The following SEMA3E variants were observed in gnomAD, a reference collection of about 807,000 sequenced individuals.
The protein encoded by SEMA3E is semaphorin 3E.
Under a neutral mutation model 93.6 loss-of-function variants are expected in SEMA3E, and 49 were observed. That is an observed-to-expected ratio of 0.52 (90% CI 0.42 to 0.66). The LOEUF is 0.66. Among genes scored for constraint, SEMA3E ranks in the 30% least tolerant of loss-of-function variants. SEMA3E has a pLI of 0.00. For missense variants in SEMA3E, 906 were observed against 964.8 expected (o/e 0.94, Z 0.81); for synonymous variants, 363 against 330.7 (o/e 1.10, Z -1.06).
rs981166088 is a variant in SEMA3E, at chr7:83,407,348, C to T, written c.671-109G>A. 16 of 949,444 alleles carry T rather than the reference C, an allele frequency of 1.7e-5. No homozygotes were observed. The African/African-American group carries it at 2.3e-4, about 14-fold the overall frequency. 58.8% of individuals were successfully genotyped at this position (949,444 alleles called of 1,614,324 possible). Reference sequence around the variant, plus strand: ...TCTGAATCCTTAAGTTTAACTTTCACCATTTCATAAAGAAATATTTTTCTT... The same window carrying T: ...TCTGAATCCTTAAGTTTAACTTTCATCATTTCATAAAGAAATATTTTTCTT... On this transcript the variant is annotated intron_variant, in intron 6 of 16. Coordinates refer to ENST00000643230, the MANE Select transcript of SEMA3E (RefSeq NM_012431.3).
chr7:83,475,463 C>T (rs540712032), intron 2 of SEMA3E, among the ~76,000 whole-genome samples: 100 of 152,110 alleles, frequency 6.6e-4, no homozygotes, highest in Admixed American at 1.2e-3. Context: ...TCGATCTCCC[C>T]CTAGACAAAG....
At chr7:83,570,377 C>T (rs992018326) in intron 1 of SEMA3E, among the ~76,000 whole-genome samples, 1 of 149,482 alleles carries the variant, frequency 6.7e-6, no homozygotes, top group Non-Finnish European at 1.5e-5. Flanking sequence ...AACGGTGAAA[C>T]CCCGTCTCTA....
intron 2 of SEMA3E, among the ~76,000 whole-genome samples, chr7:83,482,109 G>A (rs570505474): frequency 3.3e-5 from 5 of 152,210 alleles, no homozygotes; most frequent in South Asian, 4.1e-4. Flanking sequence ...TGCAATTACT[G>A]CCACACTGTG....
intron 1 of SEMA3E, among the ~76,000 whole-genome samples, chr7:83,573,221 A>G (rs1244927173): frequency 6.6e-6 from 1 of 152,168 alleles, no homozygotes; most frequent in Non-Finnish European, 1.5e-5. Context: ...AATCCAATTA[A>G]AAATAGATAA....
chr7:83,419,043 C>T lies in SEMA3E; in HGVS notation c.457-560G>A, dbSNP rs147846581. 1.7e-3 allele frequency among the ~76,000 whole-genome samples: 256 copies of T among 152,008 alleles called. 1 individual carries two copies. The highest frequency in any genetic ancestry group is 6.0e-3 in the African/African-American group (248 of 41,446). On this transcript the variant is annotated intron_variant, in intron 4 of 16. Coordinates refer to ENST00000643230, the MANE Select transcript of SEMA3E (RefSeq NM_012431.3). ...CAGGCATTTTGTCAGCCCCTGCCCC[C>T]CTACGTCTCATCCCCCTCCAGTGGT...
intron 2 of SEMA3E, among the ~76,000 whole-genome samples, chr7:83,472,711 G>C (rs1366664248): frequency 6.6e-6 from 1 of 152,194 alleles, no homozygotes; most frequent in East Asian, 1.9e-4. Context: ...ATTGAAGCCA[G>C]ATGATATGGT....
At chr7:83,453,791 C>T (rs971280787) in intron 4 of SEMA3E, among the ~76,000 whole-genome samples, 2 of 151,984 alleles carry the variant, frequency 1.3e-5, no homozygotes, top group African/African-American at 4.8e-5. Context: ...ATAATCTGGA[C>T]ATTTTTGTTA....
intron 4 of SEMA3E, among the ~76,000 whole-genome samples, chr7:83,433,468 A>G (rs1788931539): frequency 6.6e-6 from 1 of 152,106 alleles, no homozygotes. Flanking sequence ...ACAAGCTCCT[A>G]ACTAAAGTTT....
At chr7:83,459,475 A>G (rs1050814311) in intron 4 of SEMA3E, among the ~76,000 whole-genome samples, 7 of 152,236 alleles carry the variant, frequency 4.6e-5, no homozygotes, top group Non-Finnish European at 8.8e-5. Context: ...ACGTATATAC[A>G]TAGGTATACT....
chr7:83,580,661 T>C (rs1348478317), intron 1 of SEMA3E, among the ~76,000 whole-genome samples: 2 of 152,012 alleles, frequency 1.3e-5, no homozygotes, highest in African/African-American at 4.8e-5. Flanking sequence ...CTCCTTGACT[T>C]TTCCACGTGA....
At chr7:83,539,366 C>T (rs1458685107) in intron 1 of SEMA3E, among the ~76,000 whole-genome samples, 1 of 152,158 alleles carries the variant, frequency 6.6e-6, no homozygotes, top group East Asian at 1.9e-4. Context: ...AGTGATAAAG[C>T]AACAGACATT....
chr7:83,597,370 AT>A (rs1462925652), intron 1 of SEMA3E, among the ~76,000 whole-genome samples: 2 of 152,152 alleles, frequency 1.3e-5, no homozygotes, highest in African/African-American at 4.8e-5. Flanking sequence ...GCTAAATGAA[AT>A]GTGTCTCAGC....
intron 1 of SEMA3E, among the ~76,000 whole-genome samples, chr7:83,519,730 G>A (rs13237389): frequency 7.9e-5 from 12 of 151,866 alleles, no homozygotes; most frequent in African/African-American, 2.7e-4. Flanking sequence ...CATGAAAATC[G>A]TGGAAGCTTT....
intron 1 of SEMA3E, among the ~76,000 whole-genome samples, chr7:83,555,078 A>C (rs1447168242): frequency 1.3e-5 from 2 of 152,186 alleles, no homozygotes; most frequent in East Asian, 3.9e-4. Flanking sequence ...AAGTGCAGGA[A>C]TTATTCATTA....
intron 1 of SEMA3E, among the ~76,000 whole-genome samples, chr7:83,552,498 G>T (rs1215306005): frequency 3.3e-5 from 5 of 152,266 alleles, no homozygotes; most frequent in Middle Eastern, 3.4e-3. Flanking sequence ...CACAAGGTCT[G>T]ACTAACCGCG....
chr7:83,566,965 C>T (rs1038791335), intron 1 of SEMA3E, among the ~76,000 whole-genome samples: 1 of 152,120 alleles, frequency 6.6e-6, no homozygotes, highest in African/African-American at 2.4e-5. Context: ...AAGTTTTCCA[C>T]CTAAAATATA....
chr7:83,585,643 A>G (rs1792612057), intron 1 of SEMA3E, among the ~76,000 whole-genome samples: 1 of 152,136 alleles, frequency 6.6e-6, no homozygotes, highest in African/African-American at 2.4e-5. Flanking sequence ...ATTTCTCTTC[A>G]CTGTATGTGC....
chr7:83,545,590 C>G (rs1230438429), intron 1 of SEMA3E, among the ~76,000 whole-genome samples: 1 of 116,820 alleles, frequency 8.6e-6, no homozygotes, highest in Non-Finnish European at 1.7e-5. Flanking sequence ...AGAAAACAAA[C>G]AGATGTGCCA....
intron 1 of SEMA3E, among the ~76,000 whole-genome samples, chr7:83,564,696 TA>T (rs1792105401): frequency 6.6e-6 from 1 of 152,208 alleles, no homozygotes; most frequent in African/African-American, 2.4e-5. Context: ...TTAACTTCTA[TA>T]ACTTTAACAC....
Sources: allele counts gnomAD v4.1 joint callset (sites outside exome capture counted in the v4.1 genomes callset), GRCh38; gene constraint gnomAD v4.1.1; transcripts MANE v1.5; gene names NCBI Gene and HGNC (gene_info 2026-07-23, HGNC 2026-07-21).